Variants in KIFAP3 observed in about 807,000 individuals in gnomAD.
KIFAP3 encodes kinesin associated protein 3.
A neutral mutation model predicts 106.5 loss-of-function variants in KIFAP3; 68 were observed. The ratio of observed to expected loss-of-function variants is 0.64; its 90% CI spans 0.53 to 0.78. KIFAP3 has a LOEUF of 0.78. Among genes scored for constraint, KIFAP3 ranks in the 30% least tolerant of loss-of-function variants. The pLI is 0.00. For missense variants in KIFAP3, 780 were observed against 941.8 expected (o/e 0.83, Z 2.25); for synonymous variants, 320 against 311.5 (o/e 1.03, Z -0.29).
chr1:170,017,110 AGCTG>A (rs1668560758), intron 9 of KIFAP3, among the ~76,000 whole-genome samples: 1 of 152,142 alleles, frequency 6.6e-6, no homozygotes, highest in Non-Finnish European at 1.5e-5. Context: ...TACAAAACTT[AGCTG>A]GCTGTGGTGG....
At chr1:170,002,158 G>A (rs1293653078) in intron 10 of KIFAP3, among the ~76,000 whole-genome samples, 1 of 152,092 alleles carries the variant, frequency 6.6e-6, no homozygotes, top group Non-Finnish European at 1.5e-5. Context: ...TCAAACATTT[G>A]TCACTTAACT....
intron 11 of KIFAP3, among the ~76,000 whole-genome samples, chr1:169,990,907 T>C (rs1667062383): frequency 6.6e-6 from 1 of 152,120 alleles, no homozygotes; most frequent in South Asian, 2.1e-4. Context: ...GCAAAGCAAT[T>C]AAAACTATTA....
At chr1:170,074,832 A>G (rs981890832), upstream of KIFAP3, 9 of 987,502 alleles carry the variant, frequency 9.1e-6, no homozygotes, top group East Asian at 1.1e-4. Flanking sequence ...GCGTCCGTGT[A>G]TAAGGAGTGG....
At chr1:169,984,896 TTAAATA>T (rs1438143594) in intron 11 of KIFAP3, among the ~76,000 whole-genome samples, 2 of 151,960 alleles carry the variant, frequency 1.3e-5, no homozygotes, top group African/African-American at 4.8e-5. Context: ...ATGCTCAGCA[TTAAATA>T]TAAACTTCTA....
chr1:169,991,223 T>G (rs1185583451), intron 11 of KIFAP3, among the ~76,000 whole-genome samples: 1 of 152,040 alleles, frequency 6.6e-6, no homozygotes, highest in East Asian at 1.9e-4. Context: ...GGTGCACACC[T>G]GTAGTCCTAG....
chr1:170,069,361 T>C (rs1168835608), intron 1 of KIFAP3, among the ~76,000 whole-genome samples: 1 of 152,110 alleles, frequency 6.6e-6, no homozygotes, highest in African/African-American at 2.4e-5. Context: ...ATTCATTCCA[T>C]GAGGCCACCA....
At chr1:170,009,769 C>T (rs1668152371) in intron 10 of KIFAP3, among the ~76,000 whole-genome samples, 2 of 152,128 alleles carry the variant, frequency 1.3e-5, no homozygotes, top group African/African-American at 4.8e-5. Context: ...CCAGGATAGT[C>T]TGACGTAAGG....
At chr1:169,938,464 G>C (rs891630041) in intron 19 of KIFAP3, among the ~76,000 whole-genome samples, 3 of 151,954 alleles carry the variant, frequency 2.0e-5, no homozygotes, top group Admixed American at 6.6e-5. Context: ...CATTTGAAAG[G>C]ATACTGAAAT....
In KIFAP3 at chr1:170,083,028, G is replaced by A. The variant is rs1672044453; in HGVS notation, n.174+2007C>T. ...AGAGAAAATTTGTAAATATTAAGAGGAAATAATACAACACAGTGTGATAGA... is the reference window on the plus strand; with the variant it reads ...AGAGAAAATTTGTAAATATTAAGAGAAAATAATACAACACAGTGTGATAGA... On this transcript the variant is annotated intron_variant and non_coding_transcript_variant, in intron 1 of 5. Transcript: ENST00000490550. Among the ~76,000 whole-genome samples, 3 of 151,960 alleles carry A rather than the reference G, an allele frequency of 2.0e-5. No homozygotes were observed. The South Asian group carries it at 6.2e-4, about 32-fold the overall frequency.
At chr1:169,986,822 T>C (rs566241668) in intron 11 of KIFAP3, among the ~76,000 whole-genome samples, 32 of 152,026 alleles carry the variant, frequency 2.1e-4, no homozygotes, top group Non-Finnish European at 3.7e-4. Flanking sequence ...TCAACCTTTG[T>C]AGTATGAAAA....
chr1:170,081,630 A>G (rs1296316904), intron 1 of KIFAP3, among the ~76,000 whole-genome samples: 1 of 152,120 alleles, frequency 6.6e-6, no homozygotes, highest in African/African-American at 2.4e-5. Flanking sequence ...AGTTCTTTTC[A>G]TTATTGCCAT....
At chr1:170,080,060 T>C (rs1671996426) in intron 1 of KIFAP3, among the ~76,000 whole-genome samples, 1 of 152,104 alleles carries the variant, frequency 6.6e-6, no homozygotes, top group Non-Finnish European at 1.5e-5. Flanking sequence ...CTACTAGACC[T>C]AATAATTAGT....
intron 10 of KIFAP3, among the ~76,000 whole-genome samples, chr1:169,996,277 G>A (rs1052951595): frequency 4.6e-5 from 7 of 151,944 alleles, no homozygotes; most frequent in East Asian, 1.9e-4. Context: ...CTCTGAATAC[G>A]TTTCCAATTT....
At chr1:170,003,277 G>A (rs1022968518) in intron 10 of KIFAP3, among the ~76,000 whole-genome samples, 6 of 152,162 alleles carry the variant, frequency 3.9e-5, no homozygotes, top group Non-Finnish European at 8.8e-5. Flanking sequence ...GTATTGCTCT[G>A]TGGACCATAC....
intron 1 of KIFAP3, among the ~76,000 whole-genome samples, chr1:170,071,967 A>G (rs1671726049): frequency 6.6e-6 from 1 of 152,220 alleles, no homozygotes; most frequent in Non-Finnish European, 1.5e-5. Context: ...TAAATACAAT[A>G]AATATCAGTA....
At chr1:169,962,854 T>C (rs944529875) in intron 17 of KIFAP3, among the ~76,000 whole-genome samples, 6 of 152,174 alleles carry the variant, frequency 3.9e-5, no homozygotes, top group African/African-American at 7.2e-5. Flanking sequence ...AAAAAATATA[T>C]AGCTGCTCCC....
intron 19 of KIFAP3, among the ~76,000 whole-genome samples, chr1:169,928,773 G>A (rs994421258): frequency 6.9e-6 from 1 of 145,052 alleles, no homozygotes; most frequent in African/African-American, 2.5e-5. Flanking sequence ...AGAAGAATTT[G>A]AAAACTGGCT....
intron 5 of KIFAP3, among the ~76,000 whole-genome samples, chr1:170,037,569 A>T (rs1669752743): frequency 6.8e-6 from 1 of 147,634 alleles, no homozygotes; most frequent in Non-Finnish European, 1.5e-5. Flanking sequence ...GTCTCTACTA[A>T]AAAAAAAAAA....
chr1:169,962,572 A>G (rs1571567679), intron 17 of KIFAP3, among the ~76,000 whole-genome samples: 1 of 152,298 alleles, frequency 6.6e-6, no homozygotes, highest in East Asian at 1.9e-4. Flanking sequence ...GCAGGGTAAT[A>G]GCACTATTAA....
Sources: allele counts gnomAD v4.1 joint callset (sites outside exome capture counted in the v4.1 genomes callset), GRCh38; gene constraint gnomAD v4.1.1; transcripts MANE v1.5; gene names NCBI Gene and HGNC (gene_info 2026-07-23, HGNC 2026-07-21).